Variants in VPS13D observed in about 807,000 individuals in gnomAD.
The protein encoded by VPS13D is intermembrane lipid transfer protein VPS13D.
A neutral mutation model predicts 461.9 loss-of-function variants in VPS13D; 187 were observed. That is an observed-to-expected ratio of 0.40 (90% CI 0.36 to 0.46). The LOEUF is 0.46. VPS13D is among the 20% of genes least tolerant of loss of function. The probability of loss-of-function intolerance (pLI) is 0.60; values close to 1 mark genes in which losing one functional copy is unlikely to be tolerated. For missense variants in VPS13D, 4,711 were observed against 5,364.9 expected, an observed-to-expected ratio of 0.88 and a Z score of 3.81; for synonymous variants, 1,951 against 1,986.3, an observed-to-expected ratio of 0.98 and a Z score of 0.47.
At chr1:12,508,137 G>A (rs751971516) in intron 69 of VPS13D, among the ~76,000 whole-genome samples, 19 of 152,214 alleles carry the variant, frequency 1.2e-4, no homozygotes, top group Non-Finnish European at 2.5e-4. Flanking sequence ...CAAAGTGTGA[G>A]TATTTCTCCA....
intron 1 of VPS13D, among the ~76,000 whole-genome samples, chr1:12,231,086 G>A (rs1639958005): frequency 6.6e-6 from 1 of 152,176 alleles, no homozygotes; most frequent in Non-Finnish European, 1.5e-5. Context: ...TCCCGGTCTG[G>A]CCGCTCCTCA....
At position 12,486,736 on chromosome 1, in the gene VPS13D, G is replaced by A. The variant is rs191677128; in HGVS notation, c.12663-10764G>A. On this transcript the variant is annotated intron_variant, in intron 67 of 69. Coordinates refer to ENST00000620676, the MANE Select transcript of VPS13D (RefSeq NM_015378.4). Reference sequence around the variant, plus strand: ...TGCCTTTCTCTGGCTCAGATTCAGAGGAGGAGTTCCACTGCGGACTGCCGC... The same window carrying A: ...TGCCTTTCTCTGGCTCAGATTCAGAAGAGGAGTTCCACTGCGGACTGCCGC... 1.7e-3 allele frequency among the ~76,000 whole-genome samples: 253 copies of A among 152,300 alleles called. 4 individuals carry two copies. The highest frequency in any genetic ancestry group is 5.9e-3 in the African/African-American group (245 of 41,572).
At chr1:12,254,121 C>G (rs541589365) in intron 7 of VPS13D, among the ~76,000 whole-genome samples, 1 of 152,150 alleles carries the variant, frequency 6.6e-6, no homozygotes, top group South Asian at 2.1e-4. Flanking sequence ...TTTGTACTTC[C>G]AATTCATTGC....
Position 12,378,536 on chromosome 1 carries a change from A to G in VPS13D, c.11026A>G (p.Thr3676Ala), listed in dbSNP as rs774460130. Reference sequence around the variant, plus strand: ...CAATAAGCCCTCAGCCGCCCGCTCCACCGAGGGGTCTGCCATCTTAGATAT... The same window carrying G: ...CAATAAGCCCTCAGCCGCCCGCTCCGCCGAGGGGTCTGCCATCTTAGATAT... ...NPNKPSAARSTEGSAILDIAG... is the reference protein window; with the variant it reads ...NPNKPSAARSAEGSAILDIAG... The change falls in exon 56 of 70, where the codon ACC (threonine) becomes GCC (alanine). Residue 3676 changes from threonine (T) to alanine (A), a missense_variant. Transcript: ENST00000620676. 1 of 1,611,282 alleles carries G rather than the reference A, an allele frequency of 6.2e-7. No individual in the cohort carries two copies. Among genetic ancestry groups the G allele is most frequent in the South Asian group, 1.1e-5 (1 of 90,690 alleles).
rs1437466551 is a variant in VPS13D, at chr1:12,369,523, G to T, written c.10629G>T (p.Val3543=). ...CTGAACCCAGGCTCCGGACTGAAGT[G>T]AAGCCCATGACTTCATTGGATTATG... ...GVAEPRLRTE[V]KPMTSLDYAW... The change falls in exon 54 of 70, where the codon GTG becomes GTT. Residue 3543 remains valine (V), a synonymous_variant. Coordinates refer to ENST00000620676, the MANE Select transcript of VPS13D (RefSeq NM_015378.4). 1.2e-5 allele frequency: 19 copies of T among 1,614,034 alleles called. No homozygotes were observed. Among genetic ancestry groups the T allele is most frequent in the Non-Finnish European group, 1.6e-5 (19 of 1,180,040 alleles).
Position 12,403,838 on chromosome 1 carries a change from T to C in VPS13D, c.11895T>C (p.Tyr3965=), listed in dbSNP as rs1644612622. 2 of 1,598,168 alleles carry C rather than the reference T, an allele frequency of 1.3e-6. No homozygotes were observed. The highest frequency in any genetic ancestry group is 1.7e-4 in the Middle Eastern group (1 of 5,986). Residue 3965 remains tyrosine (Y), a synonymous_variant, in exon 63 of 70, where the codon TAT becomes TAC. Transcript: ENST00000620676. ...YDQAESEVEK[Y]DENLHEKTAE... ...CCTTTGTACCAGAGGTGGAAAAATATGATGAAAACCTCCATGAAAAGACAG... is the reference window on the plus strand; with the variant it reads ...CCTTTGTACCAGAGGTGGAAAAATACGATGAAAACCTCCATGAAAAGACAG...
chr1:12,415,062 G>A (rs1472280342), intron 63 of VPS13D, 25 bp from the exon 64 acceptor site: 1 of 1,613,028 alleles, frequency 6.2e-7, no homozygotes, highest in South Asian at 1.1e-5. Flanking sequence ...ACTTAAGTAT[G>A]TCATTTCCTT....
chr1:12,239,874 A>G (rs1225499500), intron 2 of VPS13D, among the ~76,000 whole-genome samples: 1 of 152,058 alleles, frequency 6.6e-6, no homozygotes, highest in African/African-American at 2.4e-5. Flanking sequence ...AGTGACCCGC[A>G]TTATCATTTA....
intron 65 of VPS13D, among the ~76,000 whole-genome samples, chr1:12,429,739 C>T (rs1458946203): frequency 1.3e-5 from 2 of 152,174 alleles, no homozygotes; most frequent in African/African-American, 4.8e-5. Context: ...TTCCCCATGC[C>T]TCAGGTCTAG....
At chr1:12,285,238 T>C (rs1055399143) in intron 21 of VPS13D, among the ~76,000 whole-genome samples, 1 of 152,032 alleles carries the variant, frequency 6.6e-6, no homozygotes, top group Non-Finnish European at 1.5e-5. Context: ...TTATGCCTTT[T>C]CTTCTTTGCT....
chr1:12,415,320 C>T, intron 64 of VPS13D, 99 bp downstream of exon 64: 1 of 1,478,812 alleles, frequency 6.8e-7, no homozygotes, highest in Non-Finnish European at 9.4e-7. Flanking sequence ...ATTGAGAACC[C>T]AGTTAAACAT....
chr1:12,307,886 T>C (rs1318587106), intron 26 of VPS13D, among the ~76,000 whole-genome samples: 1 of 152,138 alleles, frequency 6.6e-6, no homozygotes, highest in Admixed American at 6.5e-5. Context: ...CTCAGGTATT[T>C]GGTGGGGAGA....
chr1:12,360,233 G>A (rs1198147331), intron 50 of VPS13D, among the ~76,000 whole-genome samples: 2 of 152,178 alleles, frequency 1.3e-5, no homozygotes, highest in Non-Finnish European at 2.9e-5. Flanking sequence ...TCATTCTTGA[G>A]GGTCATGAAC....
At chr1:12,398,280 G>C (rs1175368009) in intron 60 of VPS13D, among the ~76,000 whole-genome samples, 1 of 152,154 alleles carries the variant, frequency 6.6e-6, no homozygotes, top group African/African-American at 2.4e-5. Context: ...CAGAGGATTC[G>C]GTGCCAGAAA....
At chr1:12,343,095 TGTAA>T (rs772087869) in intron 42 of VPS13D, 44 bp downstream of exon 42, 2 of 1,548,828 alleles carry the variant, frequency 1.3e-6, no homozygotes, top group South Asian at 1.2e-5. Flanking sequence ...AGAAAGTGGA[TGTAA>T]GTGAGGGTCC....
chr1:12,471,627 T>C (rs1245083650), intron 67 of VPS13D, among the ~76,000 whole-genome samples: 1 of 152,214 alleles, frequency 6.6e-6, no homozygotes, highest in Non-Finnish European at 1.5e-5. Context: ...ATGTTTCCTT[T>C]CCCCATTTTT....
At chr1:12,321,639 C>T (rs546366907) in intron 32 of VPS13D, among the ~76,000 whole-genome samples, 170 bp from the exon 33 acceptor site, 30 of 152,230 alleles carry the variant, frequency 2.0e-4, no homozygotes, top group African/African-American at 7.0e-4. Flanking sequence ...ACTGCGTGTG[C>T]TCTCGGCAGC....
rs969415514 is a variant in VPS13D, at chr1:12,501,582, T to C, written c.12794+3951T>C. The stretch of plus-strand genomic sequence containing the variant: ...CAAAGTTGCCTGTGCACTGGCAAAT[T>C]TCTTGCCTTACCCTAATGCCAGTGT... On this transcript the variant is annotated intron_variant, in intron 68 of 69. Coordinates refer to ENST00000620676, the MANE Select transcript of VPS13D (RefSeq NM_015378.4). Among the ~76,000 whole-genome samples, 9 of 152,356 alleles carry C rather than the reference T, an allele frequency of 5.9e-5. No homozygotes were observed. The East Asian group carries it at 1.7e-3, about 29-fold the overall frequency.
Position 12,277,615 on chromosome 1 carries a change from T to C in VPS13D, c.4027T>C (p.Phe1343Leu), listed in dbSNP as rs1243261130. ...CGAGTATAGCGAGATGGTATCGCTC[T>C]TTGAAACTCCAAGGAAGACTCGGGA... ...TAEYSEMVSL[F>L]ETPRKTREPF... Residue 1343 changes from phenylalanine to leucine, a missense_variant, in exon 19 of 70, where the codon TTT becomes CTT. Physicochemically the swap from Phe to Leu is conservative, Grantham distance 22. Coordinates refer to ENST00000620676, the MANE Select transcript of VPS13D (RefSeq NM_015378.4). 1 of 1,614,016 alleles carries C rather than the reference T, an allele frequency of 6.2e-7. No individual in the cohort carries two copies. The highest frequency in any genetic ancestry group is 1.1e-5 in the South Asian group (1 of 91,074).
Sources: allele counts gnomAD v4.1 joint callset (sites outside exome capture counted in the v4.1 genomes callset), GRCh38; gene constraint gnomAD v4.1.1; transcripts MANE v1.5; gene names NCBI Gene and HGNC (gene_info 2026-07-23, HGNC 2026-07-21).